The following PCDHA5 variants were observed in gnomAD, a reference collection of about 807,000 sequenced individuals.
PCDHA5 encodes protocadherin alpha-5.
Under a neutral mutation model 61.6 loss-of-function variants are expected in PCDHA5, and 43 were observed. The observed-to-expected ratio is 0.70, with a 90% CI of 0.55 to 0.90. The LOEUF is 0.90. PCDHA5 is among the 40% of genes least tolerant of loss of function. The pLI, the probability that PCDHA5 is intolerant of heterozygous loss-of-function variation, is 0.00. For synonymous variants in PCDHA5, 627 were observed against 543.9 expected (o/e 1.15, Z -2.13); for missense variants, 1,298 against 1,222.7 (o/e 1.06, Z -0.92).
At position 140,824,049 on chromosome 5, in the gene PCDHA5, C is replaced by T; in HGVS notation, c.2274C>T (p.Cys758=). The T allele has an allele frequency of 6.2e-7, 1 of 1,614,198 alleles. No homozygotes were observed. Among genetic ancestry groups the T allele is most frequent in the Non-Finnish European group, 8.5e-7 (1 of 1,180,018 alleles). Residue 758 remains cysteine, a synonymous_variant, in exon 1 of 4, where the codon TGC becomes TGT. Transcript: ENST00000529859. ...SYSQQRRQRV[C]SGEAPPKTDL... ...CGCAGCAGAGGAGACAGAGGGTGTG[C>T]TCTGGGGAAGCTCCACCCAAAACAG...
At chr5:140,868,600 T>C (rs2050538799) in intron 1 of PCDHA5, 1 of 153,224 alleles carries the variant, frequency 6.5e-6, no homozygotes, top group African/African-American at 2.4e-5. Context: ...CCCTAGTTTT[T>C]CATGAGGCCA....
At chr5:140,838,073 ATATAGTGTGT>A (rs1415475897) in intron 1 of PCDHA5, among the ~76,000 whole-genome samples, 44 of 126,826 alleles carry the variant, frequency 3.5e-4, no homozygotes, top group Admixed American at 1.0e-3. Context: ...AGTTATATAT[ATATAGTGTGT>A]GTGTGTGTGT....
chr5:140,856,296 T>G, intron 1 of PCDHA5: 1 of 1,598,576 alleles, frequency 6.3e-7, no homozygotes, highest in Non-Finnish European at 8.6e-7. Flanking sequence ...AATGGCATTT[T>G]GTTTGTGAAT....
At chr5:140,973,207 A>C (rs1335984656) in intron 1 of PCDHA5, among the ~76,000 whole-genome samples, 1 of 152,100 alleles carries the variant, frequency 6.6e-6, no homozygotes, top group Non-Finnish European at 1.5e-5. Flanking sequence ...GTGCATATTC[A>C]CCCTAATTCC....
At chr5:140,836,897 G>A (rs1466903226) in intron 1 of PCDHA5, 3 of 603,578 alleles carry the variant, frequency 5.0e-6, no homozygotes, top group South Asian at 2.7e-5. Flanking sequence ...TTGGAAGTAC[G>A]TTTAATATAC....
chr5:140,976,171 A>T (rs1356953697), intron 1 of PCDHA5, among the ~76,000 whole-genome samples: 1 of 152,218 alleles, frequency 6.6e-6, no homozygotes, highest in African/African-American at 2.4e-5. Flanking sequence ...TTAGTTTTGT[A>T]TTGTTTTAAA....
At chr5:140,971,845 G>C (rs370364575) in intron 1 of PCDHA5, among the ~76,000 whole-genome samples, 1 of 151,934 alleles carries the variant, frequency 6.6e-6, no homozygotes, top group Non-Finnish European at 1.5e-5. Flanking sequence ...CAAGTCATGC[G>C]TTAAATATTT....
chr5:140,871,022 A>ACT, intron 1 of PCDHA5: 1 of 1,613,114 alleles, frequency 6.2e-7, no homozygotes, highest in Non-Finnish European at 8.5e-7. Flanking sequence ...GACGAGGCAG[A>ACT]CTCGCCGCGC....
chr5:140,995,800 A>G (rs180764210), intron 3 of PCDHA5, among the ~76,000 whole-genome samples: 3 of 152,282 alleles, frequency 2.0e-5, no homozygotes, highest in Non-Finnish European at 2.9e-5. Context: ...GTCTCATGTT[A>G]GTTTCTGAAG....
chr5:140,841,313 C>T (rs2150313348), intron 1 of PCDHA5: 2 of 1,587,144 alleles, frequency 1.3e-6, no homozygotes, highest in Non-Finnish European at 8.6e-7. Context: ...TAGGAAACGA[C>T]TATTTAACAT....
Position 140,826,963 on chromosome 5 carries a change from G to T in PCDHA5, c.2352+2836G>T, listed in dbSNP as rs1769130641. Among the ~76,000 whole-genome samples, 3 of 152,092 alleles carry T rather than the reference G, an allele frequency of 2.0e-5. No individual in the cohort carries two copies. The South Asian group carries it at 6.2e-4, about 32-fold the overall frequency. ...GTGGAATAAGGCAAGCCAGGGAAAA[G>T]GAGTAATTTAAAAAGTAATATAGGT... On this transcript the variant is annotated intron_variant, in intron 1 of 3. Transcript: ENST00000529859.
At chr5:140,871,284 T>G in intron 1 of PCDHA5, 1 of 1,613,896 alleles carries the variant, frequency 6.2e-7, no homozygotes. Flanking sequence ...CAACGCCCAC[T>G]GAGGGCGCGT....
intron 1 of PCDHA5, among the ~76,000 whole-genome samples, chr5:140,977,448 C>G (rs1265708365): frequency 6.6e-6 from 1 of 152,212 alleles, no homozygotes; most frequent in African/African-American, 2.4e-5. Flanking sequence ...ATAATGGAAA[C>G]TCCTTTGATT....
Position 140,884,183 on chromosome 5 carries a change from G to T in PCDHA5, c.2352+60056G>T, listed in dbSNP as rs201206731. 6.2e-6 allele frequency: 10 copies of T among 1,613,306 alleles called. No individual in the cohort carries two copies. The East Asian group carries it at 6.7e-5, about 11-fold the overall frequency. The stretch of plus-strand genomic sequence containing the variant: ...GATCAGCACGACGCGCCCTCTGGAC[G>T]AGGTGGACGCGCCGCACCACCGCCT... On this transcript the variant is annotated intron_variant, in intron 1 of 3. Transcript: ENST00000529859.
chr5:140,917,417 C>T (rs1163543772), intron 1 of PCDHA5, among the ~76,000 whole-genome samples: 1 of 152,082 alleles, frequency 6.6e-6, no homozygotes, highest in African/African-American at 2.4e-5. Flanking sequence ...TAATTAGGCC[C>T]CATTTGCCAA....
chr5:141,000,417 ATATATTTTTTT>A (rs2097924314), intron 3 of PCDHA5, among the ~76,000 whole-genome samples: 12 of 77,748 alleles, frequency 1.5e-4, no homozygotes, highest in Non-Finnish European at 2.3e-4. Flanking sequence ...ATATATATAT[ATATATTTTTTT>A]TTTTTTTTTT....
Position 140,856,069 on chromosome 5 carries a change from C to A in PCDHA5, c.2352+31942C>A, listed in dbSNP as rs149846721. ...ATAAGATGGTTTCCAGATGTAGCTG[C>A]CTGGGGGTCCAGTGTCTGCTGCTCT... On this transcript the variant is annotated intron_variant, in intron 1 of 3. Coordinates refer to ENST00000529859, the MANE Select transcript of PCDHA5 (RefSeq NM_018908.3). 5 of 1,591,600 alleles carry A rather than the reference C, an allele frequency of 3.1e-6. 1 individual carries two copies. Among genetic ancestry groups the A allele is most frequent in the Non-Finnish European group, 4.3e-6 (5 of 1,163,516 alleles).
At position 140,822,590 on chromosome 5, in the gene PCDHA5, T is replaced by A. The variant is rs1767358678; in HGVS notation, c.815T>A (p.Ile272Asn). The change falls in exon 1 of 4, where the codon ATC (isoleucine) becomes AAC (asparagine). Residue 272 changes from isoleucine to asparagine, a missense_variant. By Grantham distance (149) the Ile-to-Asn change is moderately radical. Coordinates refer to ENST00000529859, the MANE Select transcript of PCDHA5 (RefSeq NM_018908.3). Reference protein sequence around the residue: ...KLNASDADEGINKEIVYFFSN... With the variant: ...KLNASDADEGNNKEIVYFFSN... ...AACGCCTCAGATGCAGATGAGGGCA[T>A]CAATAAGGAAATAGTGTATTTCTTT... 1 of 1,612,192 alleles carries A rather than the reference T, an allele frequency of 6.2e-7. No homozygotes were observed. Among genetic ancestry groups the A allele is most frequent in the African/African-American group, 1.3e-5 (1 of 74,908 alleles).
Position 140,857,204 on chromosome 5 carries a change from T to C in PCDHA5, c.2352+33077T>C, listed in dbSNP as rs202111737. On this transcript the variant is annotated intron_variant, in intron 1 of 3. Coordinates refer to ENST00000529859, the MANE Select transcript of PCDHA5 (RefSeq NM_018908.3). ...TTCAGGAGCCAACGGACAGGTCACC[T>C]GCTCTCTGACGCCTCACGTTCCGTT... 221 of 1,598,644 alleles carry C rather than the reference T, an allele frequency of 1.4e-4. 20 individuals are homozygous for C. The highest frequency in any genetic ancestry group is 2.4e-4 in the Admixed American group (14 of 59,320).
Sources: gnomAD v4.1 joint callset for allele counts (sites outside exome capture counted in the v4.1 genomes callset) on GRCh38, gnomAD v4.1.1 for gene constraint, MANE v1.5 for transcripts, NCBI Gene and HGNC (gene_info 2026-07-23, HGNC 2026-07-21) for gene names.